CYTH2: variants seen among roughly 807,000 people sequenced by gnomAD.
The protein encoded by CYTH2 is cytohesin-2.
CYTH2 carries 24 observed loss-of-function variants against 55.4 expected under a neutral mutation model. The ratio of observed to expected loss-of-function variants is 0.43; its 90% CI spans 0.31 to 0.61. CYTH2 has a LOEUF of 0.61. Among genes scored for constraint, CYTH2 ranks in the 20% least tolerant of loss-of-function variants. The pLI, the probability that CYTH2 is intolerant of heterozygous loss-of-function variation, is 0.08. For missense variants in CYTH2, 378 were observed against 533.5 expected, an observed-to-expected ratio of 0.71 and a Z score of 2.87; for synonymous variants, 221 against 209.6, an observed-to-expected ratio of 1.05 and a Z score of -0.47.
chr19:48,478,431 TCC>T lies in CYTH2; in HGVS notation c.958-4_958-3del. 1 of 1,613,476 alleles carries T rather than the reference TCC, an allele frequency of 6.2e-7. No homozygotes were observed. The highest frequency in any genetic ancestry group is 8.5e-7 in the Non-Finnish European group (1 of 1,179,574). ...TCTTACCTGCGCCCTTCCTCTCTCG[TCC>T]CCAGAACTGCTTTGAACTTTACATC... On this transcript the variant is annotated splice_polypyrimidine_tract_variant and splice_region_variant and intron_variant, in intron 10 of 11. Transcript: ENST00000452733.
chr19:48,469,842 G>A (rs997459316), intron 1 of CYTH2: 1 of 573,884 alleles, frequency 1.7e-6, no homozygotes, highest in South Asian at 1.8e-5. Flanking sequence ...GGCCGGGGAG[G>A]GGCGCTTGGG....
At chr19:48,470,260 A>G (rs1019264353) in intron 1 of CYTH2, 93 bp from the exon 2 acceptor site, 2 of 1,506,970 alleles carry the variant, frequency 1.3e-6, no homozygotes, top group South Asian at 1.3e-5. Flanking sequence ...AGCCCCTTAC[A>G]CATCCTCTCC....
At position 48,481,491 on chromosome 19, in the gene CYTH2, G is replaced by GTTT. The variant is rs35979886; in HGVS notation, c.*2290_*2292dup. On this transcript the variant is annotated 3_prime_UTR_variant, in exon 12 of 12. Coordinates refer to ENST00000452733, the MANE Select transcript of CYTH2 (RefSeq NM_004228.7). Reference sequence around the variant, plus strand: ...AGCACGCTTCTGATTTTTTTTGTAGGTTTTTTTTTTTGTTTTTTGTTTTGT... The same window carrying GTTT: ...AGCACGCTTCTGATTTTTTTTGTAGGTTTTTTTTTTTTTTGTTTTTTGTTTTGT... 3.9e-4 allele frequency: 66 copies of GTTT among 167,334 alleles called. No homozygotes were observed. Among genetic ancestry groups the GTTT allele is most frequent in the South Asian group, 9.2e-4 (8 of 8,704 alleles). The allele number at this position is 167,334 out of a possible 1,614,324, so 10.4% of individuals were successfully genotyped here.
rs1971768494 is a variant in CYTH2, at chr19:48,470,396, C to T, written c.63C>T (p.Asn21=). The T allele has an allele frequency of 6.2e-7, 1 of 1,613,872 alleles. No individual in the cohort carries two copies. The highest frequency in any genetic ancestry group is 1.3e-5 in the African/African-American group (1 of 75,066). The change falls in exon 2 of 12, where the codon AAC becomes AAT. Residue 21 remains asparagine, a synonymous_variant. Coordinates refer to ENST00000452733, the MANE Select transcript of CYTH2 (RefSeq NM_004228.7). Reference sequence around the variant, plus strand: ...CGGAGGAGCGGATGGAGCTGGAGAACATCCGGCGGCGGAAGCAGGAGCTGC... The same window carrying T: ...CGGAGGAGCGGATGGAGCTGGAGAATATCCGGCGGCGGAAGCAGGAGCTGC... The part of the protein sequence containing the change: ...LTPEERMELE[N]IRRRKQELLV...
intron 5 of CYTH2, 199 bp from the exon 6 acceptor site, chr19:48,473,704 AAG>A (rs1317143446): frequency 1.7e-6 from 1 of 603,980 alleles, no homozygotes; most frequent in Non-Finnish European, 2.9e-6. Context: ...ACTTAGCAGA[AAG>A]AGGCTATTTC....
intron 1 of CYTH2, 97 bp from the exon 2 acceptor site, chr19:48,470,256 T>C: frequency 6.7e-7 from 1 of 1,500,610 alleles, no homozygotes; most frequent in Non-Finnish European, 8.9e-7. Flanking sequence ...AGGAAGCCCC[T>C]TACACATCCT....
chr19:48,469,723 G>T, intron 1 of CYTH2, 197 bp downstream of exon 1: 2 of 887,444 alleles, frequency 2.3e-6, no homozygotes, highest in Non-Finnish European at 3.4e-6. Flanking sequence ...CCATTGTTTG[G>T]GCTGAGCCTG....
At position 48,470,584 on chromosome 19, in the gene CYTH2, C is replaced by T. The variant is rs1383594424; in HGVS notation, c.168-19C>T. On this transcript the variant is annotated intron_variant, in intron 2 of 11. Transcript: ENST00000452733. ...AGGCATTGACCCTCCACCCCCAACC[C>T]TGCTCTCTGCTCCTGCAGTAAGACC... 3 of 1,614,138 alleles carry T rather than the reference C, an allele frequency of 1.9e-6. No individual in the cohort carries two copies. In the African/African-American group the frequency reaches 4.0e-5, roughly 22 times the overall value.
At chr19:48,470,840 A>G (rs1971778587) in intron 3 of CYTH2, among the ~76,000 whole-genome samples, 171 bp downstream of exon 3, 1 of 152,066 alleles carries the variant, frequency 6.6e-6, no homozygotes. Context: ...AACACTGAAC[A>G]CTGACCAAGT....
At position 48,469,855 on chromosome 19, in the gene CYTH2, G is replaced by A. The variant is rs866836444; in HGVS notation, c.19+329G>A. 70 of 566,356 alleles carry A rather than the reference G, an allele frequency of 1.2e-4. 1 individual carries two copies. The highest frequency in any genetic ancestry group is 1.1e-3 in the African/African-American group (57 of 52,244). 35.1% of individuals were successfully genotyped at this position (566,356 alleles called of 1,614,324 possible). A position where few individuals can be genotyped will look rare whatever the true frequency, so the allele number is the denominator to read the frequency against. ...GGGGCCGGGGAGGGGCGCTTGGGTT[G>A]CGGGGAGGGGAGAAATCTTGGGGGG... On this transcript the variant is annotated intron_variant, in intron 1 of 11. Transcript: ENST00000452733.
chr19:48,472,471 G>GCCCCCCCCCCCCCCCCCCCCCAACCCAC, intron 4 of CYTH2, 28 bp downstream of exon 4: 1 of 1,584,676 alleles, frequency 6.3e-7, no homozygotes, highest in Admixed American at 1.7e-5. Flanking sequence ...CTCCTGTGGG[G>GCCCCCCCCCCCCCCCCCCCCCAACCCAC]CCCCTCCCTC....
Position 48,479,358 on chromosome 19 carries a change from T to A in CYTH2, c.*148T>A. 1.4e-6 allele frequency: 1 copy of A among 718,684 alleles called. No homozygotes were observed. The highest frequency in any genetic ancestry group is 2.3e-6 in the Non-Finnish European group (1 of 431,340). 44.5% of individuals were successfully genotyped at this position (718,684 alleles called of 1,614,324 possible). A position where few individuals can be genotyped will look rare whatever the true frequency, so the allele number is the denominator to read the frequency against. ...CTGTTCTTTGTAATTAACACGCTGT[T>A]GGTAATCTTATTAATTATTTAACCA... On this transcript the variant is annotated 3_prime_UTR_variant, in exon 12 of 12. Coordinates refer to ENST00000452733, the MANE Select transcript of CYTH2 (RefSeq NM_004228.7).
rs1972002445 is a variant in CYTH2 at position 48,479,178 on chromosome 19, A to T, written c.1168A>T (p.Ile390Phe). Residue 390 changes from isoleucine to phenylalanine, a missense_variant, in exon 12 of 12, where the codon ATT becomes TTT. Ile to Phe is a conservative substitution (Grantham distance 21). Coordinates refer to ENST00000452733, the MANE Select transcript of CYTH2 (RefSeq NM_004228.7). Reference sequence around the variant, plus strand: ...GATGCTGGCAGCGAGAAAGAAGCGGATTTCAGTCAAGAAGAAGCAGGAGCA... The same window carrying T: ...GATGCTGGCAGCGAGAAAGAAGCGGTTTTCAGTCAAGAAGAAGCAGGAGCA... ...YEMLAARKKR[I>F]SVKKKQEQP The T allele has an allele frequency of 6.2e-7, 1 of 1,613,872 alleles. No homozygotes were observed.
At position 48,481,471 on chromosome 19, in the gene CYTH2, G is replaced by A. The variant is rs547844279; in HGVS notation, c.*2261G>A. On this transcript the variant is annotated 3_prime_UTR_variant, in exon 12 of 12. Transcript: ENST00000452733. ...CCCAGGACCCCCAAGCTCCCAGCACGCTTCTGATTTTTTTTGTAGGTTTTT... is the reference window on the plus strand; with the variant it reads ...CCCAGGACCCCCAAGCTCCCAGCACACTTCTGATTTTTTTTGTAGGTTTTT... The A allele has an allele frequency of 6.2e-4, 101 of 162,708 alleles. 2 individuals carry two copies. In the Middle Eastern group the frequency reaches 8.3e-3, roughly 13 times the overall value. 10.1% of individuals were successfully genotyped at this position (162,708 alleles called of 1,614,324 possible).
rs1049436073 is a variant in CYTH2 at position 48,481,140 on chromosome 19, G to T, written c.*1930G>T. 1 of 153,142 alleles carries T rather than the reference G, an allele frequency of 6.5e-6. No individual in the cohort carries two copies. The highest frequency in any genetic ancestry group is 2.4e-5 in the African/African-American group (1 of 41,478). 9.5% of individuals were successfully genotyped at this position (153,142 alleles called of 1,614,324 possible). A position where few individuals can be genotyped will look rare whatever the true frequency, so the allele number is the denominator to read the frequency against. ...TTGGAGGCGAGCGGGGAGGTGAGAG[G>T]AAGCTGTGCGGTGCAGGATGGCGTG... On this transcript the variant is annotated 3_prime_UTR_variant, in exon 12 of 12. Coordinates refer to ENST00000452733, the MANE Select transcript of CYTH2 (RefSeq NM_004228.7).
Position 48,481,887 on chromosome 19 carries a change from CCCAGTGTGG to C in CYTH2, c.*2679_*2687del, listed in dbSNP as rs1972050108. On this transcript the variant is annotated 3_prime_UTR_variant, in exon 12 of 12. Coordinates refer to ENST00000452733, the MANE Select transcript of CYTH2 (RefSeq NM_004228.7). ...CTAAAATTCATGTTGAGATTCGAGCCCCAGTGTGGCAGGTGTTGGGATGTGGGGCCTCAT... is the reference window on the plus strand; with the variant it reads ...CTAAAATTCATGTTGAGATTCGAGCCCAGGTGTTGGGATGTGGGGCCTCAT... The C allele has an allele frequency of 7.2e-6, 1 of 139,536 alleles. No individual in the cohort carries two copies. Among genetic ancestry groups the C allele is most frequent in the Admixed American group, 7.6e-5 (1 of 13,196 alleles). The allele number at this position is 139,536 out of a possible 1,614,324, so 8.6% of individuals were successfully genotyped here.
intron 8 of CYTH2, chr19:48,476,342 C>A: frequency 4.9e-6 from 1 of 203,544 alleles, no homozygotes; most frequent in Non-Finnish European, 1.0e-5. Context: ...GTGGTCGAGG[C>A]TTCAGTGAGT....
Position 48,474,183 on chromosome 19 carries a change from C to T in CYTH2, c.549C>T (p.Asp183=), listed in dbSNP as rs766756536. The T allele has an allele frequency of 6.9e-6, 11 of 1,592,622 alleles. No homozygotes were observed. The highest frequency in any genetic ancestry group is 1.3e-5 in the African/African-American group (1 of 74,658). ...LCNPGVFQST[D]TCYVLSFAVI... is the part of the protein sequence containing the mutation. ...CACCACCTGCCCTGTCCGGTGCAGA[C>T]ACGTGCTATGTGCTGTCCTTCGCCG... Residue 183 remains aspartate, a splice_region_variant and synonymous_variant, in exon 7 of 12, where the codon GAC becomes GAT. Transcript: ENST00000452733. The surrounding 1 kb of genome is among the most constrained non-coding windows in gnomAD (Gnocchi z 4.9).
chr19:48,470,747 C>T, intron 3 of CYTH2, 78 bp downstream of exon 3: 1 of 1,517,064 alleles, frequency 6.6e-7, no homozygotes, highest in Non-Finnish European at 9.1e-7. Flanking sequence ...GTTCCAGAAG[C>T]GTGATGGTGC....
Sources: allele counts gnomAD v4.1 joint callset (sites outside exome capture counted in the v4.1 genomes callset), GRCh38; gene constraint gnomAD v4.1.1; non-coding constraint Gnocchi (gnomAD v3.1); transcripts MANE v1.5; gene names NCBI Gene and HGNC (gene_info 2026-07-23, HGNC 2026-07-21).